CCDC92B: variants seen among roughly 807,000 people sequenced by gnomAD.
CCDC92B encodes the protein coiled-coil domain-containing 92B.
Under a neutral mutation model 5.6 loss-of-function variants are expected in CCDC92B, and 2 were observed. The ratio of observed to expected loss-of-function variants is 0.36; its 90% CI spans 0.15 to 1.12. The LOEUF is 1.12. CCDC92B is among the 50% of genes most tolerant of loss of function. The pLI is 0.40. For synonymous variants in CCDC92B, 115 were observed against 122.3 expected (o/e 0.94, Z 0.39); for missense variants, 271 against 262.2 (o/e 1.03, Z -0.23).
At chr17:2,731,084 G>A (rs943385843) in intron 2 of CCDC92B, among the ~76,000 whole-genome samples, 2 of 152,160 alleles carry the variant, frequency 1.3e-5, no homozygotes, top group African/African-American at 2.4e-5. Context: ...CAGTTGCGCC[G>A]TATTCCCCAC....
At chr17:2,732,930 G>A (rs2070812111) in intron 2 of CCDC92B, among the ~76,000 whole-genome samples, 1 of 151,082 alleles carries the variant, frequency 6.6e-6, no homozygotes, top group African/African-American at 2.4e-5. Flanking sequence ...GGAGAATGGT[G>A]TGAACCTGGG....
At position 2,721,675 on chromosome 17, in the gene CCDC92B, C is replaced by G. The variant is rs1389622861; in HGVS notation, c.*2736G>C. The G allele has an allele frequency of 6.6e-6, 1 of 152,236 alleles. No individual in the cohort carries two copies. The highest frequency in any genetic ancestry group is 1.5e-5 in the Non-Finnish European group (1 of 68,076). 9.4% of individuals were successfully genotyped at this position (152,236 alleles called of 1,614,324 possible). A position where few individuals can be genotyped will look rare whatever the true frequency, so the allele number is the denominator to read the frequency against. On this transcript the variant is annotated 3_prime_UTR_variant, in exon 4 of 4. Coordinates refer to ENST00000614400, the MANE Select transcript of CCDC92B (RefSeq NM_001355573.2). ...GCGAGGAGGGGAATTTCTGTGAAAACTGGAACCCTGTATCTGCTACAGGTG... is the reference window on the plus strand; with the variant it reads ...GCGAGGAGGGGAATTTCTGTGAAAAGTGGAACCCTGTATCTGCTACAGGTG...
intron 1 of CCDC92B, among the ~76,000 whole-genome samples, chr17:2,741,000 A>C (rs557116811): frequency 6.7e-6 from 1 of 149,138 alleles, no homozygotes; most frequent in East Asian, 2.0e-4. Flanking sequence ...AAAGAGCCAG[A>C]CTCCTGGGCT....
chr17:2,737,037 C>G (rs1232967850), intron 1 of CCDC92B, among the ~76,000 whole-genome samples: 1 of 150,912 alleles, frequency 6.6e-6, no homozygotes, highest in Non-Finnish European at 1.5e-5. Flanking sequence ...CCATGCATCC[C>G]TGAATCCTAA....
Position 2,749,453 on chromosome 17 carries a change from G to C in CCDC92B, c.-66C>G, listed in dbSNP as rs946134930. 6.6e-6 allele frequency: 1 copy of C among 151,554 alleles called. No homozygotes were observed. 9.4% of individuals were successfully genotyped at this position (151,554 alleles called of 1,614,324 possible). A position where few individuals can be genotyped will look rare whatever the true frequency, so the allele number is the denominator to read the frequency against. On this transcript the variant is annotated 5_prime_UTR_variant, in exon 1 of 4. Transcript: ENST00000614400. ...CACCGGCCGGCGGGGCCCTGGGTCC[G>C]GGCCGGGCTGGGTGGGGGCGGCGCT...
intron 1 of CCDC92B, among the ~76,000 whole-genome samples, chr17:2,744,765 C>T (rs780289853): frequency 6.6e-6 from 1 of 152,004 alleles, no homozygotes; most frequent in Non-Finnish European, 1.5e-5. Flanking sequence ...GTAGGCAGGT[C>T]AATATACTGG....
intron 1 of CCDC92B, among the ~76,000 whole-genome samples, chr17:2,738,230 C>T (rs1164634114): frequency 6.6e-6 from 1 of 151,804 alleles, no homozygotes; most frequent in Non-Finnish European, 1.5e-5. Context: ...TTTGTAGAGA[C>T]AGGGTTCTCT....
intron 3 of CCDC92B, among the ~76,000 whole-genome samples, chr17:2,727,312 C>T (rs2070740736): frequency 6.6e-6 from 1 of 152,182 alleles, no homozygotes; most frequent in South Asian, 2.1e-4. Context: ...CTATGAAAGA[C>T]CAATTGCACC....
chr17:2,728,145 G>A (rs1332067481), intron 3 of CCDC92B, among the ~76,000 whole-genome samples: 1 of 149,084 alleles, frequency 6.7e-6, no homozygotes, highest in East Asian at 2.1e-4. Flanking sequence ...GGGTGACATG[G>A]CGAAACCCCT....
At chr17:2,738,963 C>A (rs769670623) in intron 1 of CCDC92B, among the ~76,000 whole-genome samples, 2 of 151,432 alleles carry the variant, frequency 1.3e-5, no homozygotes, top group African/African-American at 4.9e-5. Context: ...CCCAGCTACT[C>A]GGGAGGTTGA....
chr17:2,721,604 G>A lies in CCDC92B; in HGVS notation c.*2807C>T, dbSNP rs969985749. ...TCCCAGTCTCGTTCTGCTGCACAGA[G>A]GGTTCTGTGCAGGCGGGTGGAGGGG... On this transcript the variant is annotated 3_prime_UTR_variant, in exon 4 of 4. Coordinates refer to ENST00000614400, the MANE Select transcript of CCDC92B (RefSeq NM_001355573.2). 5 of 152,272 alleles carry A rather than the reference G, an allele frequency of 3.3e-5. No individual in the cohort carries two copies. Among genetic ancestry groups the A allele is most frequent in the African/African-American group, 7.2e-5 (3 of 41,452 alleles). The allele number at this position is 152,272 out of a possible 1,614,324, so 9.4% of individuals were successfully genotyped here.
chr17:2,731,121 C>T lies in CCDC92B; in HGVS notation c.131-628G>A, dbSNP rs181191452. On this transcript the variant is annotated intron_variant, in intron 2 of 3. Coordinates refer to ENST00000614400, the MANE Select transcript of CCDC92B (RefSeq NM_001355573.2). ...GCAGGGAGAAGGGCTTCGAGCAGGA[C>T]GGTGCGGTCTATTGATGGGGGCCGG... Among the ~76,000 whole-genome samples the T allele has an allele frequency of 4.0e-3, 608 of 152,298 alleles. 2 individuals are homozygous for T. Among genetic ancestry groups the T allele is most frequent in the African/African-American group, 0.014 (589 of 41,564 alleles).
At chr17:2,739,595 C>T (rs1458605188) in intron 1 of CCDC92B, among the ~76,000 whole-genome samples, 12 of 150,980 alleles carry the variant, frequency 7.9e-5, no homozygotes, top group East Asian at 2.0e-4. Context: ...GGCAGGAGAA[C>T]GGCGTGAACC....
intron 2 of CCDC92B, among the ~76,000 whole-genome samples, chr17:2,733,328 C>T (rs1279951962): frequency 2.7e-5 from 4 of 149,400 alleles, no homozygotes; most frequent in Admixed American, 6.7e-5. Context: ...GGCATGATCT[C>T]GGCTCACCGC....
intron 3 of CCDC92B, among the ~76,000 whole-genome samples, chr17:2,728,602 CA>C (rs56095711): frequency 1.7e-4 from 23 of 138,598 alleles, no homozygotes; most frequent in East Asian, 6.5e-4. Flanking sequence ...GACTCCGTCT[CA>C]AAAAAAAAAA....
At chr17:2,735,267 C>T (rs528878259) in intron 1 of CCDC92B, 99 bp from the exon 2 acceptor site, 3 of 824,258 alleles carry the variant, frequency 3.6e-6, no homozygotes, top group East Asian at 1.2e-4. Context: ...GTCCTGTTGC[C>T]ACCAGGAAGA....
At chr17:2,746,314 TATTC>T (rs1597247766) in intron 1 of CCDC92B, among the ~76,000 whole-genome samples, 1 of 152,092 alleles carries the variant, frequency 6.6e-6, no homozygotes, top group East Asian at 1.9e-4. Context: ...GATGAAAAAA[TATTC>T]ATTTAAAAAA....
chr17:2,728,311 CA>C (rs11340880), intron 3 of CCDC92B, among the ~76,000 whole-genome samples: 77,577 of 134,866 alleles, frequency 0.58, 21,815 homozygotes, highest in East Asian at 0.88. Flanking sequence ...GAGTATGTCT[CA>C]AAAAAAAAAA....
In CCDC92B at chr17:2,739,708, T is replaced by TGATA. The variant is rs942443691; in HGVS notation, c.-23-4544_-23-4541dup. Among the ~76,000 whole-genome samples the TGATA allele has an allele frequency of 4.6e-5, 7 of 151,970 alleles. No individual in the cohort carries two copies. In the South Asian group the frequency reaches 1.0e-3, roughly 23 times the overall value. On this transcript the variant is annotated intron_variant, in intron 1 of 3. Transcript: ENST00000614400. Reference sequence around the variant, plus strand: ...AAAAATAGATAGATAGATAGATAGGTGATAGATAGATAGATAGAATAAAGA... The same window carrying TGATA: ...AAAAATAGATAGATAGATAGATAGGTGATAGATAGATAGATAGATAGAATAAAGA...
Sources: gnomAD v4.1 joint callset for allele counts (sites outside exome capture counted in the v4.1 genomes callset) on GRCh38, gnomAD v4.1.1 for gene constraint, MANE v1.5 for transcripts, NCBI Gene and HGNC (gene_info 2026-07-23, HGNC 2026-07-21) for gene names.